USP45: variants seen among roughly 807,000 people sequenced by gnomAD.
The protein encoded by USP45 is ubiquitin specific peptidase 45, also known as ubiquitin carboxyl-terminal hydrolase 45.
A neutral mutation model predicts 95.8 loss-of-function variants in USP45; 89 were observed. That is an observed-to-expected ratio of 0.93 (90% CI 0.78 to 1.11). The LOEUF (loss-of-function observed/expected upper bound fraction) is 1.11. USP45 is among the 50% of genes least tolerant of loss of function. The probability of loss-of-function intolerance (pLI) is 0.00; values close to 1 mark genes in which losing one functional copy is unlikely to be tolerated. For missense variants in USP45, 898 were observed against 942.5 expected (o/e 0.95, Z 0.62); for synonymous variants, 281 against 316.2 (o/e 0.89, Z 1.18).
chr6:99,465,186 A>T, intron 11 of USP45, 50 bp from the exon 12 acceptor site: 1 of 1,477,840 alleles, frequency 6.8e-7, no homozygotes, highest in Non-Finnish European at 9.2e-7. Context: ...TAATATAAAC[A>T]TACAGTTTTG....
In USP45 at chr6:99,496,688, C is replaced by T. The variant is rs148163613; in HGVS notation, c.478+7077G>A. ...CTAGATTCTCTAAATATTTGTAGAA[C>T]ACTTCATGACATTTAAAAGACTATT... On this transcript the variant is annotated intron_variant, in intron 5 of 17. Coordinates refer to ENST00000500704, the MANE Select transcript of USP45 (RefSeq NM_001346022.3). Among the ~76,000 whole-genome samples the T allele has an allele frequency of 5.6e-3, 854 of 152,040 alleles. 7 individuals are homozygous for T. The highest frequency in any genetic ancestry group is 0.01 in the Middle Eastern group (3 of 294).
At chr6:99,455,170 G>A (rs1353629342) in intron 13 of USP45, among the ~76,000 whole-genome samples, 8 of 151,790 alleles carry the variant, frequency 5.3e-5, no homozygotes, top group Non-Finnish European at 1.2e-4. Flanking sequence ...GGCTGGGTGC[G>A]ATGGCTCACA....
chr6:99,472,487 A>T lies in USP45; in HGVS notation c.933+3656T>A, dbSNP rs934754305. On this transcript the variant is annotated intron_variant, in intron 9 of 17. Transcript: ENST00000500704. ...CACCTCAGCCTCCCAAACTGCTGGG[A>T]TTACAGGAATGAGCCACCATGCCCA... is the stretch of plus-strand genomic sequence containing the variant. 4.6e-5 allele frequency among the ~76,000 whole-genome samples: 7 copies of T among 152,272 alleles called. No individual in the cohort carries two copies. In the South Asian group the frequency reaches 1.4e-3, roughly 32 times the overall value.
intron 13 of USP45, among the ~76,000 whole-genome samples, chr6:99,463,585 G>A (rs965324854): frequency 4.6e-5 from 7 of 151,914 alleles, no homozygotes; most frequent in African/African-American, 7.3e-5. Context: ...AGGCTGAGGC[G>A]GGTGGATCAT....
chr6:99,461,295 A>G (rs1189384827), intron 13 of USP45: 1 of 985,178 alleles, frequency 1.0e-6, no homozygotes, highest in Non-Finnish European at 1.2e-6. Context: ...TGGGGAGGGG[A>G]AAGAAGGGAA....
At chr6:99,484,109 C>G (rs1295908251) in intron 7 of USP45, among the ~76,000 whole-genome samples, 1 of 142,444 alleles carries the variant, frequency 7.0e-6, no homozygotes, top group Admixed American at 7.3e-5. Context: ...TAGCTGGGAT[C>G]GCAGGCATGA....
At chr6:99,507,735 C>G (rs1328568435) in intron 3 of USP45, among the ~76,000 whole-genome samples, 1 of 152,140 alleles carries the variant, frequency 6.6e-6, no homozygotes, top group African/African-American at 2.4e-5. Context: ...CAGTATTTAC[C>G]TAAAACAATC....
chr6:99,445,569 C>T (rs941304536), intron 14 of USP45, among the ~76,000 whole-genome samples: 4 of 151,708 alleles, frequency 2.6e-5, no homozygotes, highest in Non-Finnish European at 5.9e-5. Context: ...TATGGGTTTG[C>T]ATTTTCAAGG....
chr6:99,447,860 G>A (rs1041928758), intron 13 of USP45, among the ~76,000 whole-genome samples: 5 of 152,206 alleles, frequency 3.3e-5, no homozygotes, highest in Admixed American at 1.3e-4. Flanking sequence ...CCAGAGGAAC[G>A]ATCAGGTAGC....
rs1278463308 is a variant in USP45 at position 99,432,340 on chromosome 6, T to C, written c.*3376A>G. The C allele has an allele frequency of 6.6e-6, 1 of 152,234 alleles. No homozygotes were observed. Among genetic ancestry groups the C allele is most frequent in the Non-Finnish European group, 1.5e-5 (1 of 68,032 alleles). The allele number at this position is 152,234 out of a possible 1,614,324, so 9.4% of individuals were successfully genotyped here. A position where few individuals can be genotyped will look rare whatever the true frequency, so the allele number is the denominator to read the frequency against. On this transcript the variant is annotated 3_prime_UTR_variant, in exon 18 of 18. Transcript: ENST00000500704. ...ATACACCACATAGTTGATGGTATTT[T>C]ATTATAGCAGCCTGAGTGGACTAAG...
chr6:99,480,189 T>A (rs1792028958), intron 8 of USP45, among the ~76,000 whole-genome samples: 1 of 152,074 alleles, frequency 6.6e-6, no homozygotes, highest in Admixed American at 6.6e-5. Context: ...TTAAGATAAA[T>A]CTAACAAAAT....
At chr6:99,468,408 C>A (rs548631758) in intron 10 of USP45, 129 bp downstream of exon 10, 2 of 641,126 alleles carry the variant, frequency 3.1e-6, no homozygotes, top group East Asian at 2.8e-5. Flanking sequence ...GACACTGCAG[C>A]AACTACGTCC....
At chr6:99,506,511 A>G (rs1349940620) in intron 4 of USP45, among the ~76,000 whole-genome samples, 2 of 152,014 alleles carry the variant, frequency 1.3e-5, no homozygotes, top group African/African-American at 4.8e-5. Flanking sequence ...GTTTCACCAT[A>G]TTGGCCAGGC....
intron 13 of USP45, among the ~76,000 whole-genome samples, chr6:99,455,819 T>TAAAAA (rs35285232): frequency 1.6e-4 from 7 of 44,366 alleles, no homozygotes; most frequent in Admixed American, 4.0e-4. Context: ...ATGTGAGAGC[T>TAAAAA]AAAAAAAAAA....
In USP45 at chr6:99,465,134, G is replaced by C. The variant is rs1194112349; in HGVS notation, c.1110C>G (p.Ile370Met). 6.3e-7 allele frequency: 1 copy of C among 1,590,992 alleles called. No individual in the cohort carries two copies. The highest frequency in any genetic ancestry group is 1.7e-5 in the Admixed American group (1 of 59,190). ...STVMCEECAN[I>M]STVKDPFIDI... is the part of the protein sequence containing the mutation. ...CAATGAATGGATCTTTCACCGTGGA[G>C]ATCTTAAAAGGAAAACACATTGAAA... is the stretch of plus-strand genomic sequence containing the variant. Residue 370 changes from isoleucine (I) to methionine (M), a missense_variant and splice_region_variant, in exon 12 of 18, where the codon ATC becomes ATG. Transcript: ENST00000500704.
intron 1 of USP45, among the ~76,000 whole-genome samples, chr6:99,513,406 G>A (rs1015368451): frequency 3.9e-5 from 6 of 152,120 alleles, no homozygotes; most frequent in Non-Finnish European, 8.8e-5. Flanking sequence ...AGGGAAAAGA[G>A]ACATAAGCAG....
chr6:99,492,290 T>A (rs1360315419), intron 5 of USP45, among the ~76,000 whole-genome samples: 1 of 152,208 alleles, frequency 6.6e-6, no homozygotes, highest in Non-Finnish European at 1.5e-5. Context: ...CACCTGGCTC[T>A]CCATGCATAG....
At chr6:99,499,135 C>T (rs1796886608) in intron 5 of USP45, among the ~76,000 whole-genome samples, 1 of 152,096 alleles carries the variant, frequency 6.6e-6, no homozygotes, top group South Asian at 2.1e-4. Flanking sequence ...GAATTAATGA[C>T]ATGCTTTAAA....
chr6:99,496,427 ACT>A (rs892249550), intron 5 of USP45, among the ~76,000 whole-genome samples: 1 of 152,088 alleles, frequency 6.6e-6, no homozygotes, highest in African/African-American at 2.4e-5. Flanking sequence ...GATACAGCAA[ACT>A]CATACTTCAT....
Sources: allele counts gnomAD v4.1 joint callset (sites outside exome capture counted in the v4.1 genomes callset), GRCh38; gene constraint gnomAD v4.1.1; transcripts MANE v1.5; gene names NCBI Gene and HGNC (gene_info 2026-07-23, HGNC 2026-07-21).